PDE9A: variants seen among roughly 807,000 people sequenced by gnomAD.
PDE9A encodes high affinity cGMP-specific 3',5'-cyclic phosphodiesterase 9A.
PDE9A carries 60 observed loss-of-function variants against 87.4 expected under a neutral mutation model. The ratio of observed to expected loss-of-function variants is 0.69; its 90% CI spans 0.56 to 0.85. PDE9A has a LOEUF of 0.85. PDE9A is among the 40% of genes least tolerant of loss of function. The probability of loss-of-function intolerance (pLI) is 0.00; values close to 1 mark genes in which losing one functional copy is unlikely to be tolerated. For synonymous variants in PDE9A, 272 were observed against 279.4 expected (o/e 0.97, Z 0.27); for missense variants, 665 against 779.0 (o/e 0.85, Z 1.74).
chr21:42,666,604 G>C (rs1486538661), intron 1 of PDE9A, among the ~76,000 whole-genome samples: 5 of 152,250 alleles, frequency 3.3e-5, no homozygotes, highest in Non-Finnish European at 7.3e-5. Flanking sequence ...TCAGGCTGCA[G>C]CAGGGCTGGT....
In PDE9A at chr21:42,759,905, G is replaced by GT. The variant is rs1339344120; in HGVS notation, c.898-416dup. 6.6e-6 allele frequency among the ~76,000 whole-genome samples: 1 copy of GT among 151,950 alleles called. No individual in the cohort carries two copies. The highest frequency in any genetic ancestry group is 1.5e-5 in the Non-Finnish European group (1 of 67,966). Reference sequence around the variant, plus strand: ...CCTGTGTGAATATGTTTGGCAGCAGGTTTTTTTAATGAAATATTGCTCAGA... The same window carrying GT: ...CCTGTGTGAATATGTTTGGCAGCAGGTTTTTTTTAATGAAATATTGCTCAGA... On this transcript the variant is annotated intron_variant, in intron 11 of 19. Coordinates refer to ENST00000291539, the MANE Select transcript of PDE9A (RefSeq NM_002606.3). The surrounding 1 kb of genome is among the most constrained non-coding windows in gnomAD (Gnocchi z 7.2).
At chr21:42,683,506 G>A (rs2059281256) in intron 1 of PDE9A, among the ~76,000 whole-genome samples, 1 of 152,164 alleles carries the variant, frequency 6.6e-6, no homozygotes, top group Non-Finnish European at 1.5e-5. Context: ...CAAAGAAGTT[G>A]AGTTGAGAGT....
At chr21:42,674,412 C>A (rs1489969393) in intron 1 of PDE9A, among the ~76,000 whole-genome samples, 5 of 151,184 alleles carry the variant, frequency 3.3e-5, no homozygotes, top group Non-Finnish European at 5.9e-5. Flanking sequence ...GAGTCCTGGC[C>A]CTTGGGGAGT....
rs138028154 is a variant in PDE9A, at chr21:42,693,880, C to A, written c.219-5088C>A. On this transcript the variant is annotated intron_variant, in intron 3 of 19. Transcript: ENST00000291539. Reference sequence around the variant, plus strand: ...GTGCTGAGATTACAGGCGTGAGCCACCATGCCCAGCCCACCCAGGAATCTT... The same window carrying A: ...GTGCTGAGATTACAGGCGTGAGCCAACATGCCCAGCCCACCCAGGAATCTT... Among the ~76,000 whole-genome samples the A allele has an allele frequency of 1.5e-4, 23 of 152,278 alleles. 1 individual carries two copies. In the East Asian group the frequency reaches 4.2e-3, roughly 28 times the overall value.
At chr21:42,730,935 T>G (rs1427395193) in intron 4 of PDE9A, among the ~76,000 whole-genome samples, 1 of 152,078 alleles carries the variant, frequency 6.6e-6, no homozygotes, top group African/African-American at 2.4e-5. Flanking sequence ...AATTTTTTGT[T>G]TGTTTGGGCA....
At chr21:42,768,458 A>C in intron 16 of PDE9A, 166 bp downstream of exon 16, 2 of 1,118,090 alleles carry the variant, frequency 1.8e-6, no homozygotes, top group Non-Finnish European at 2.4e-6. Context: ...GAAACAAAAT[A>C]GGTTATAATT....
Position 42,772,511 on chromosome 21 carries a change from A to T in PDE9A, c.1759A>T (p.Asn587Tyr). ...CAGAGAGAGAAGCAGAGATGTGAAAAACAGTGAAGGTAATGCTTGCTCTGC... is the reference window on the plus strand; with the variant it reads ...CAGAGAGAGAAGCAGAGATGTGAAATACAGTGAAGGTAATGCTTGCTCTGC... Reference protein sequence around the residue: ...KSRERSRDVKNSEGDCA With the variant: ...KSRERSRDVKYSEGDCA Residue 587 changes from asparagine (N) to tyrosine (Y), a missense_variant, in exon 19 of 20, where the codon AAC becomes TAC. Transcript: ENST00000291539. 3 of 1,603,008 alleles carry T rather than the reference A, an allele frequency of 1.9e-6. No homozygotes were observed. The highest frequency in any genetic ancestry group is 1.7e-6 in the Non-Finnish European group (2 of 1,173,808).
At chr21:42,699,637 C>T (rs1371035974) in intron 4 of PDE9A, among the ~76,000 whole-genome samples, 1 of 152,036 alleles carries the variant, frequency 6.6e-6, no homozygotes, top group East Asian at 1.9e-4. Flanking sequence ...CTCACTGCAA[C>T]CTCTGCCTCC....
At position 42,719,597 on chromosome 21, in the gene PDE9A, G is replaced by A. The variant is rs540413742; in HGVS notation, c.263-12173G>A. 1.4e-4 allele frequency among the ~76,000 whole-genome samples: 20 copies of A among 144,648 alleles called. No individual in the cohort carries two copies. In the East Asian group the frequency reaches 3.7e-3, roughly 27 times the overall value. 94.9% of individuals were successfully genotyped at this position (144,648 alleles called of 152,430 possible). A position where few individuals can be genotyped will look rare whatever the true frequency, so the allele number is the denominator to read the frequency against. The stretch of plus-strand genomic sequence containing the variant: ...AGAGGTTGCAGTGAGCCGAGATGGC[G>A]CCACTGCCCTCCAGCCTGGGTGACA... On this transcript the variant is annotated intron_variant, in intron 4 of 19. Transcript: ENST00000291539.
intron 4 of PDE9A, among the ~76,000 whole-genome samples, chr21:42,714,170 C>G (rs1335908490): frequency 6.6e-6 from 1 of 151,962 alleles, no homozygotes; most frequent in Non-Finnish European, 1.5e-5. Flanking sequence ...AGGCGCCCAC[C>G]ACCGTGCCTG....
At chr21:42,668,080 G>A (rs2058129391) in intron 1 of PDE9A, among the ~76,000 whole-genome samples, 1 of 152,102 alleles carries the variant, frequency 6.6e-6, no homozygotes, top group Non-Finnish European at 1.5e-5. Context: ...CCTTTCCCAT[G>A]GTTTCCTCTA....
intron 18 of PDE9A, 125 bp from the exon 19 acceptor site, chr21:42,772,314 G>T: frequency 1.6e-6 from 1 of 644,332 alleles, no homozygotes; most frequent in Non-Finnish European, 2.8e-6. Context: ...TGGGCTCAGA[G>T]GGGCTGGGGA....
At chr21:42,677,969 G>C (rs1201947361) in intron 1 of PDE9A, among the ~76,000 whole-genome samples, 1 of 152,226 alleles carries the variant, frequency 6.6e-6, no homozygotes, top group African/African-American at 2.4e-5. Flanking sequence ...CCAGGAATTG[G>C]AGCATTTCTA....
chr21:42,729,874 T>C (rs1336553765), intron 4 of PDE9A, among the ~76,000 whole-genome samples: 2 of 152,218 alleles, frequency 1.3e-5, no homozygotes, highest in Non-Finnish European at 2.9e-5. Flanking sequence ...ATGCTCTGTA[T>C]AGCCTCAGTT....
chr21:42,718,440 G>A (rs1171430862), intron 4 of PDE9A, among the ~76,000 whole-genome samples: 1 of 151,712 alleles, frequency 6.6e-6, no homozygotes, highest in African/African-American at 2.4e-5. Context: ...TGTCTTTCAA[G>A]TGACTGCAGC....
intron 4 of PDE9A, among the ~76,000 whole-genome samples, chr21:42,706,195 G>C (rs897753499): frequency 1.3e-5 from 2 of 152,190 alleles, no homozygotes; most frequent in African/African-American, 4.8e-5. Flanking sequence ...CAGTCCAGCC[G>C]CAGTCCAGAT....
intron 15 of PDE9A, among the ~76,000 whole-genome samples, chr21:42,767,669 C>T (rs541487924): frequency 1.4e-4 from 21 of 152,330 alleles, no homozygotes; most frequent in African/African-American, 5.1e-4. Flanking sequence ...ACACTTTGGT[C>T]TGGAAACCTG....
intron 4 of PDE9A, among the ~76,000 whole-genome samples, chr21:42,730,713 GAT>G: frequency 6.6e-6 from 1 of 152,224 alleles, no homozygotes; most frequent in East Asian, 1.9e-4. Flanking sequence ...TATCATTCCA[GAT>G]ATATGTCTGA....
intron 3 of PDE9A, among the ~76,000 whole-genome samples, chr21:42,693,695 G>A (rs1320045068): frequency 6.8e-6 from 1 of 146,496 alleles, no homozygotes; most frequent in East Asian, 2.0e-4. Context: ...CAGGTTCCAG[G>A]GATTCTCCTG....
Sources: gnomAD v4.1 joint callset for allele counts (sites outside exome capture counted in the v4.1 genomes callset) on GRCh38, gnomAD v4.1.1 for gene constraint, Gnocchi (gnomAD v3.1) non-coding constraint, MANE v1.5 for transcripts, NCBI Gene and HGNC (gene_info 2026-07-23, HGNC 2026-07-21) for gene names.